Variants in DYNC1LI2 observed in about 807,000 individuals in gnomAD.
The protein encoded by DYNC1LI2 is cytoplasmic dynein 1 light intermediate chain 2.
Under a neutral mutation model 57.8 loss-of-function variants are expected in DYNC1LI2, and 19 were observed. The ratio of observed to expected loss-of-function variants is 0.33; its 90% CI spans 0.23 to 0.48. DYNC1LI2 has a LOEUF of 0.48. Ranked by LOEUF, DYNC1LI2 falls within the 20% of genes least tolerant of loss-of-function variation. The probability of loss-of-function intolerance (pLI) is 0.99; values close to 1 mark genes in which losing one functional copy is unlikely to be tolerated. For synonymous variants in DYNC1LI2, 256 were observed against 233.4 expected, an observed-to-expected ratio of 1.10 and a Z score of -0.88; for missense variants, 470 against 604.2, an observed-to-expected ratio of 0.78 and a Z score of 2.33.
At chr16:66,735,963 CAAAT>C in intron 5 of DYNC1LI2, 108 bp downstream of exon 5, 1 of 1,391,472 alleles carries the variant, frequency 7.2e-7, no homozygotes, top group African/African-American at 1.5e-5. Context: ...TAATGAATCT[CAAAT>C]AAGCCCAAGT....
chr16:66,743,896 T>C (rs1046289926), intron 3 of DYNC1LI2, among the ~76,000 whole-genome samples: 1 of 152,242 alleles, frequency 6.6e-6, no homozygotes, highest in South Asian at 2.1e-4. Context: ...TTTTTTGTTA[T>C]GATAATAATA....
At chr16:66,728,172 T>C (rs1276619601) in intron 10 of DYNC1LI2, 29 bp downstream of exon 10, 2 of 1,613,840 alleles carry the variant, frequency 1.2e-6, no homozygotes, top group East Asian at 2.2e-5. Flanking sequence ...CACTGGGCCT[T>C]GACCCTCTGT....
At chr16:66,749,734 TAA>T (rs981215454) in intron 2 of DYNC1LI2, among the ~76,000 whole-genome samples, 5 of 152,150 alleles carry the variant, frequency 3.3e-5, no homozygotes, top group African/African-American at 1.2e-4. Context: ...TACTGTGAAC[TAA>T]AAAAAGTCTG....
intron 6 of DYNC1LI2, chr16:66,732,701 T>A (rs1436050990): frequency 2.6e-5 from 10 of 382,522 alleles, no homozygotes; most frequent in Non-Finnish European, 4.6e-5. Flanking sequence ...TAGTAGCAGA[T>A]GAATGAAGTC....
chr16:66,751,029 G>A lies in DYNC1LI2; in HGVS notation c.181+244C>T, dbSNP rs182032851. 1.2e-3 allele frequency among the ~76,000 whole-genome samples: 187 copies of A among 152,276 alleles called. No homozygotes were observed. Among genetic ancestry groups the A allele is most frequent in the Non-Finnish European group, 1.7e-3 (114 of 68,024 alleles). ...CGTCGAGGCAATGAAGGCATAGAGG[G>A]CCAAGTGACTGAAACAATATGCCGA... On this transcript the variant is annotated intron_variant, in intron 2 of 12. Coordinates refer to ENST00000258198, the MANE Select transcript of DYNC1LI2 (RefSeq NM_006141.3). The surrounding 1 kb of genome is among the most constrained non-coding windows in gnomAD (Gnocchi z 5.2).
In DYNC1LI2 at chr16:66,725,809, C is replaced by T; in HGVS notation, c.1378+19G>A. The T allele has an allele frequency of 6.2e-7, 1 of 1,609,342 alleles. No homozygotes were observed. Among genetic ancestry groups the T allele is most frequent in the South Asian group, 1.1e-5 (1 of 90,292 alleles). On this transcript the variant is annotated intron_variant, in intron 12 of 12. Coordinates refer to ENST00000258198, the MANE Select transcript of DYNC1LI2 (RefSeq NM_006141.3). The stretch of plus-strand genomic sequence containing the variant: ...CTACTCAACCACAAGAGTCACAAGT[C>T]TCCAGGGCCCTTCTGTACCTGACTT...
chr16:66,749,045 C>A (rs1282205168), intron 3 of DYNC1LI2, 152 bp downstream of exon 3: 6 of 746,250 alleles, frequency 8.0e-6, no homozygotes, highest in Non-Finnish European at 1.3e-5. Flanking sequence ...TTAAGTCCTG[C>A]AAAAGATACG....
intron 4 of DYNC1LI2, among the ~76,000 whole-genome samples, chr16:66,739,644 G>A (rs571980205): frequency 6.6e-6 from 1 of 152,198 alleles, no homozygotes; most frequent in Non-Finnish European, 1.5e-5. Flanking sequence ...CCAGGCTGGT[G>A]TCAAACTTTT....
intron 4 of DYNC1LI2, chr16:66,739,367 C>G (rs2017796242): frequency 6.6e-6 from 1 of 152,210 alleles, no homozygotes; most frequent in Non-Finnish European, 1.5e-5. Context: ...TATTCACGCT[C>G]TAAAGGAATG....
intron 4 of DYNC1LI2, chr16:66,739,041 G>A (rs2144993488): frequency 6.6e-6 from 1 of 152,182 alleles, no homozygotes; most frequent in Admixed American, 6.5e-5. Context: ...GTCTTTAAAG[G>A]AATCAAATAT....
chr16:66,734,023 T>C lies in DYNC1LI2; in HGVS notation c.793+195A>G, dbSNP rs2017685419. On this transcript the variant is annotated intron_variant, in intron 6 of 12. Coordinates refer to ENST00000258198, the MANE Select transcript of DYNC1LI2 (RefSeq NM_006141.3). ...ACAAACAAACAAACAAACAAATAAA[T>C]GAGTGATCAAAGGTAGACACAAGTT... The C allele has an allele frequency of 5.5e-6, 3 of 547,020 alleles. No individual in the cohort carries two copies. In the South Asian group the frequency reaches 7.2e-5, roughly 13 times the overall value. The allele number at this position is 547,020 out of a possible 1,614,324, so 33.9% of individuals were successfully genotyped here.
chr16:66,747,643 C>T (rs2017961633), intron 3 of DYNC1LI2, among the ~76,000 whole-genome samples: 1 of 150,434 alleles, frequency 6.6e-6, no homozygotes, highest in Non-Finnish European at 1.5e-5. Flanking sequence ...AATCTCGGCT[C>T]ACTGCAACCT....
At chr16:66,732,525 C>T (rs778827642) in intron 6 of DYNC1LI2, 51 bp from the exon 7 acceptor site, 23 of 1,578,542 alleles carry the variant, frequency 1.5e-5, no homozygotes, top group Non-Finnish European at 1.9e-5. Context: ...GAGACAAAAT[C>T]GAACACATAC....
chr16:66,740,710 G>A (rs2017821163), intron 4 of DYNC1LI2, among the ~76,000 whole-genome samples: 1 of 152,188 alleles, frequency 6.6e-6, no homozygotes, highest in Non-Finnish European at 1.5e-5. Context: ...CCTCCATCCT[G>A]CTGACTGGAA....
intron 12 of DYNC1LI2, 55 bp downstream of exon 12, chr16:66,725,773 T>A (rs536917080): frequency 1.7e-5 from 26 of 1,561,118 alleles, no homozygotes; most frequent in Non-Finnish European, 2.1e-5. Context: ...TGCCTCTCCA[T>A]CCTTGCAGCA....
At position 66,723,390 on chromosome 16, in the gene DYNC1LI2, T is replaced by G. The variant is rs748102462; in HGVS notation, c.*332A>C. On this transcript the variant is annotated 3_prime_UTR_variant, in exon 13 of 13. Transcript: ENST00000258198. ...AACCATCATCTTACCAATGATTTCT[T>G]GGTCTCATTTGCTCCACCCTGTTAG... 1.7e-5 allele frequency: 8 copies of G among 482,314 alleles called. No homozygotes were observed. Among genetic ancestry groups the G allele is most frequent in the South Asian group, 1.1e-4 (7 of 64,826 alleles). The allele number at this position is 482,314 out of a possible 1,614,324, so 29.9% of individuals were successfully genotyped here.
chr16:66,736,118 A>G lies in DYNC1LI2; in HGVS notation c.656T>C (p.Leu219Pro), dbSNP rs1567452641. The change falls in exon 5 of 13, where the codon CTG becomes CCG. Residue 219 changes from leucine (L) to proline (P), a missense_variant. Transcript: ENST00000258198. ...NVALPLGDNVLTHNLGIPVLV... is the reference protein window; with the variant it reads ...NVALPLGDNVPTHNLGIPVLV... ...CACCGGGATCCCCAGGTTATGAGTC[A>G]GCACATTGTCACCCAGAGGCAGGGC... is the stretch of plus-strand genomic sequence containing the variant. 3.1e-6 allele frequency: 5 copies of G among 1,614,150 alleles called. No individual in the cohort carries two copies. Among genetic ancestry groups the G allele is most frequent in the Non-Finnish European group, 4.2e-6 (5 of 1,180,040 alleles).
chr16:66,741,897 CAAAAA>C (rs66527903), intron 4 of DYNC1LI2, among the ~76,000 whole-genome samples: 16 of 106,840 alleles, frequency 1.5e-4, no homozygotes, highest in South Asian at 3.1e-4. Context: ...ATGTTAATTA[CAAAAA>C]AAAAAAAAAA....
intron 3 of DYNC1LI2, among the ~76,000 whole-genome samples, chr16:66,744,151 T>G (rs540808612): frequency 6.6e-6 from 1 of 151,590 alleles, no homozygotes; most frequent in Admixed American, 6.6e-5. Context: ...TTTCCTGGGA[T>G]AGTGATCCAC....
Sources: allele counts gnomAD v4.1 joint callset (sites outside exome capture counted in the v4.1 genomes callset), GRCh38; gene constraint gnomAD v4.1.1; non-coding constraint Gnocchi (gnomAD v3.1); transcripts MANE v1.5; gene names NCBI Gene and HGNC (gene_info 2026-07-23, HGNC 2026-07-21).